The following ACSL5 variants were observed in gnomAD, a reference collection of about 807,000 sequenced individuals.
The protein encoded by ACSL5 is long-chain-fatty-acid--CoA ligase 5.
Under a neutral mutation model 84.9 loss-of-function variants are expected in ACSL5, and 50 were observed. That is an observed-to-expected ratio of 0.59 (90% CI 0.47 to 0.75). ACSL5 has a LOEUF of 0.75. Among genes scored for constraint, ACSL5 ranks in the 30% least tolerant of loss-of-function variants. ACSL5 has a pLI of 0.00. For missense variants in ACSL5, 775 were observed against 830.4 expected (o/e 0.93, Z 0.82); for synonymous variants, 280 against 300.7 (o/e 0.93, Z 0.71).
intron 3 of ACSL5, 118 bp from the exon 4 acceptor site, chr10:112,404,393 G>A: frequency 1.4e-6 from 1 of 726,644 alleles, no homozygotes; most frequent in Non-Finnish European, 2.3e-6. Context: ...TATAATAGAA[G>A]CTCAAATCCT....
At chr10:112,380,184 C>T (rs1259358749) in intron 1 of ACSL5, among the ~76,000 whole-genome samples, 4 of 152,180 alleles carry the variant, frequency 2.6e-5, no homozygotes, top group Non-Finnish European at 4.4e-5. Context: ...ACTCTATCGA[C>T]CTGAGCTCCT....
At chr10:112,425,737 TA>T (rs1012617612) in intron 18 of ACSL5, 6 of 350,804 alleles carry the variant, frequency 1.7e-5, no homozygotes, top group African/African-American at 4.2e-5. Context: ...AATGATTCAG[TA>T]AAAAATGAGC....
Position 112,382,578 on chromosome 10 carries a change from C to G in ACSL5, c.-30+8309C>G, listed in dbSNP as rs1788607721. On this transcript the variant is annotated intron_variant, in intron 1 of 20. Transcript: ENST00000354655. ...GAGGAAAGGGCTTATTCTGCTCCAC[C>G]TCTTCTATCTCTTCTGAGCTCTGGC... Among the ~76,000 whole-genome samples the G allele has an allele frequency of 2.6e-5, 4 of 152,182 alleles. No homozygotes were observed. The South Asian group carries it at 8.3e-4, about 32-fold the overall frequency.
chr10:112,380,033 T>G (rs965381531), intron 1 of ACSL5, among the ~76,000 whole-genome samples: 4 of 152,162 alleles, frequency 2.6e-5, no homozygotes, highest in Admixed American at 6.5e-5. Context: ...TGACACTGCT[T>G]CTTCTTACCC....
rs749541813 is a variant in ACSL5, at chr10:112,416,872, A to G, written c.1084-16A>G. On this transcript the variant is annotated splice_polypyrimidine_tract_variant and intron_variant, in intron 12 of 20. Coordinates refer to ENST00000354655, the MANE Select transcript of ACSL5 (RefSeq NM_203379.2). The stretch of plus-strand genomic sequence containing the variant: ...CTCCAATAGGTTTCCAACTAAAAGG[A>G]GCTATCACTCTGCAGGTACAAAATG... 3 of 1,612,924 alleles carry G rather than the reference A, an allele frequency of 1.9e-6. No homozygotes were observed. Among genetic ancestry groups the G allele is most frequent in the Non-Finnish European group, 2.5e-6 (3 of 1,179,092 alleles).
At position 112,405,286 on chromosome 10, in the gene ACSL5, A is replaced by G. The variant is rs73363053; in HGVS notation, c.432+480A>G. On this transcript the variant is annotated intron_variant, in intron 5 of 20. Transcript: ENST00000354655. Reference sequence around the variant, plus strand: ...GATGACAGAATCAAGCTTATCTCCAAGTTTTGGTTAAGTCATTAGGCACAT... The same window carrying G: ...GATGACAGAATCAAGCTTATCTCCAGGTTTTGGTTAAGTCATTAGGCACAT... 9.4e-3 allele frequency among the ~76,000 whole-genome samples: 1,424 copies of G among 152,284 alleles called. 24 individuals are homozygous for G. The highest frequency in any genetic ancestry group is 0.032 in the African/African-American group (1,350 of 41,554).
In ACSL5 at chr10:112,426,875, G is replaced by C. The variant is rs141799855; in HGVS notation, c.1911+16G>C. On this transcript the variant is annotated intron_variant, in intron 20 of 20. Transcript: ENST00000354655. ...TTTTGAACAGGTGTGTGCTACCACT[G>C]ATGTTATACTGGCCTCTTGTCAGAA... is the stretch of plus-strand genomic sequence containing the variant. The C allele has an allele frequency of 8.2e-4, 1,288 of 1,578,866 alleles. 5 individuals carry two copies. The highest frequency in any genetic ancestry group is 1.4e-3 in the Admixed American group (81 of 59,920).
At chr10:112,374,819 C>CT (rs556168587) in intron 1 of ACSL5, among the ~76,000 whole-genome samples, 311 of 152,286 alleles carry the variant, frequency 2.0e-3, no homozygotes, top group Non-Finnish European at 3.2e-3. Context: ...ACAGCATGGC[C>CT]TAAGCTACAT....
chr10:112,384,499 T>G (rs1849411986), intron 1 of ACSL5, among the ~76,000 whole-genome samples: 1 of 152,052 alleles, frequency 6.6e-6, no homozygotes, highest in Non-Finnish European at 1.5e-5. Flanking sequence ...GTTTTTTTGT[T>G]TTGTTTTGTT....
chr10:112,382,153 C>T (rs2133564832), intron 1 of ACSL5, among the ~76,000 whole-genome samples: 1 of 152,314 alleles, frequency 6.6e-6, no homozygotes, highest in South Asian at 2.1e-4. Context: ...CAAATGGATA[C>T]ATTATGAGGG....
At chr10:112,384,507 G>T (rs57717154) in intron 1 of ACSL5, among the ~76,000 whole-genome samples, 1,680 of 152,050 alleles carry the variant, frequency 0.011, 33 homozygotes, top group African/African-American at 0.038. Context: ...GTTTTGTTTT[G>T]TTTTGTTGTT....
intron 1 of ACSL5, among the ~76,000 whole-genome samples, chr10:112,387,881 A>G (rs1849484033): frequency 6.6e-6 from 1 of 152,158 alleles, no homozygotes; most frequent in South Asian, 2.1e-4. Flanking sequence ...ATTGCACAAA[A>G]AAATAATAGT....
intron 1 of ACSL5, among the ~76,000 whole-genome samples, chr10:112,390,032 C>G (rs1849525180): frequency 6.6e-6 from 1 of 152,038 alleles, no homozygotes; most frequent in Non-Finnish European, 1.5e-5. Context: ...AGTTCAGAAC[C>G]AGCCTGGGCA....
chr10:112,381,013 T>C (rs1305148504), intron 1 of ACSL5, among the ~76,000 whole-genome samples: 1 of 152,134 alleles, frequency 6.6e-6, no homozygotes, highest in Non-Finnish European at 1.5e-5. Flanking sequence ...CAAACGATCC[T>C]CCAGCCTCAG....
rs180806591 is a variant in ACSL5 at position 112,427,308 on chromosome 10, A to C, written c.2002A>C (p.Lys668Gln). 2.7e-4 allele frequency: 431 copies of C among 1,613,986 alleles called. 4 individuals are homozygous for C. In the East Asian group the frequency reaches 8.8e-3, roughly 33 times the overall value. ...GAAAGCAAAGCGAGGAGAGCTTTCCAAATACTTTCGGACCCAAATTGACAG... is the reference window on the plus strand; with the variant it reads ...GAAAGCAAAGCGAGGAGAGCTTTCCCAATACTTTCGGACCCAAATTGACAG... ...TLKAKRGELSKYFRTQIDSLY... is the reference protein window; with the variant it reads ...TLKAKRGELSQYFRTQIDSLY... The change falls in exon 21 of 21, where the codon AAA (lysine) becomes CAA (glutamine). Residue 668 changes from lysine (K) to glutamine (Q), a missense_variant. By Grantham distance (53) the Lys-to-Gln change is moderately conservative. Coordinates refer to ENST00000354655, the MANE Select transcript of ACSL5 (RefSeq NM_203379.2).
At chr10:112,375,621 C>A (rs1849221830) in intron 1 of ACSL5, 1 of 152,160 alleles carries the variant, frequency 6.6e-6, no homozygotes, top group Non-Finnish European at 1.5e-5. Flanking sequence ...CCAGGGCCCC[C>A]CTGTAGCCAC....
intron 3 of ACSL5, among the ~76,000 whole-genome samples, chr10:112,401,501 G>T (rs1396047938): frequency 6.6e-6 from 1 of 152,206 alleles, no homozygotes; most frequent in Non-Finnish European, 1.5e-5. Flanking sequence ...GTTAATGGAT[G>T]GGCTCTTTGT....
chr10:112,401,900 TTTTC>T lies in ACSL5; in HGVS notation c.266-2598_266-2595del, dbSNP rs767134292. ...TTTCTTTCCTTCTTTCTTTCTTTCC[TTTTC>T]TTTCTTTCTTTCCTTCTTTCCTTCC... On this transcript the variant is annotated intron_variant, in intron 3 of 20. Coordinates refer to ENST00000354655, the MANE Select transcript of ACSL5 (RefSeq NM_203379.2). Among the ~76,000 whole-genome samples, 164 of 150,768 alleles carry T rather than the reference TTTTC, an allele frequency of 1.1e-3. 1 individual carries two copies. The highest frequency in any genetic ancestry group is 3.7e-3 in the African/African-American group (154 of 41,090).
chr10:112,376,532 G>A (rs530799031), intron 1 of ACSL5: 149 of 1,570,994 alleles, frequency 9.5e-5, no homozygotes, highest in South Asian at 6.2e-4. Context: ...CCTGACCCCC[G>A]ACTTTCTTTA....
Sources: allele counts gnomAD v4.1 joint callset (sites outside exome capture counted in the v4.1 genomes callset), GRCh38; gene constraint gnomAD v4.1.1; transcripts MANE v1.5; gene names NCBI Gene and HGNC (gene_info 2026-07-23, HGNC 2026-07-21).